BCKDHB: variants seen among roughly 807,000 people sequenced by gnomAD.
The protein encoded by BCKDHB is 2-oxoisovalerate dehydrogenase subunit beta, mitochondrial.
In BCKDHB, 41 loss-of-function variants were observed where a neutral mutation model predicts 48.5. The ratio of observed to expected loss-of-function variants is 0.85; its 90% confidence interval spans 0.66 to 1.10. The LOEUF is 1.10. BCKDHB is among the 50% of genes least tolerant of loss of function. The pLI, the probability that BCKDHB is intolerant of heterozygous loss-of-function variation, is 0.00. For missense variants in BCKDHB, 496 were observed against 494.2 expected, an observed-to-expected ratio of 1.00 and a Z score of -0.03; for synonymous variants, 201 against 174.8, an observed-to-expected ratio of 1.15 and a Z score of -1.18.
intron 8 of BCKDHB, among the ~76,000 whole-genome samples, chr6:80,237,942 G>A (rs80323260): frequency 0.034 from 5,197 of 152,274 alleles, 296 homozygotes; most frequent in African/African-American, 0.12. Flanking sequence ...AGGATGTTGT[G>A]TAGGAACTAT....
the BCKDHB span, among the ~76,000 whole-genome samples, chr6:80,433,247 T>C: frequency 1.9e-4 from 29 of 152,296 alleles, no homozygotes; most frequent in Non-Finnish European, 3.7e-4. Context: ...ATAAGTCTGC[T>C]GAATCTGTGT....
At chr6:80,118,456 A>G (rs1424297949) in intron 1 of BCKDHB, among the ~76,000 whole-genome samples, 1 of 151,964 alleles carries the variant, frequency 6.6e-6, no homozygotes, top group African/African-American at 2.4e-5. Context: ...TCTTGCCTTG[A>G]TGTTGATAGC....
chr6:80,397,172 G>A, the BCKDHB span, among the ~76,000 whole-genome samples: 1 of 152,132 alleles, frequency 6.6e-6, no homozygotes, highest in Non-Finnish European at 1.5e-5. Context: ...AATTCAGTGG[G>A]AAATATACTG....
intron 9 of BCKDHB, among the ~76,000 whole-genome samples, chr6:80,342,559 A>AG (rs1769965320): frequency 7.2e-6 from 1 of 138,186 alleles, no homozygotes; most frequent in Non-Finnish European, 1.6e-5. Context: ...CATTTCTGAA[A>AG]AAAAAAAAAA....
At chr6:80,304,149 T>C (rs1036721181) in intron 9 of BCKDHB, among the ~76,000 whole-genome samples, 7 of 152,160 alleles carry the variant, frequency 4.6e-5, no homozygotes, top group African/African-American at 1.7e-4. Flanking sequence ...GAACACAGTA[T>C]AAGAAAGTAG....
At chr6:80,263,179 T>C (rs1554203815) in intron 8 of BCKDHB, among the ~76,000 whole-genome samples, 1 of 152,160 alleles carries the variant, frequency 6.6e-6, no homozygotes, top group Non-Finnish European at 1.5e-5. Flanking sequence ...TGCTCTCCAT[T>C]GGGCGTGACA....
At chr6:80,341,515 GATGT>G (rs889248249) in intron 9 of BCKDHB, among the ~76,000 whole-genome samples, 2 of 152,190 alleles carry the variant, frequency 1.3e-5, no homozygotes, top group Non-Finnish European at 2.9e-5. Context: ...CAGACATATA[GATGT>G]ATTCCTGGAA....
the BCKDHB span, among the ~76,000 whole-genome samples, chr6:80,442,974 G>A: frequency 1.1e-4 from 16 of 152,188 alleles, no homozygotes; most frequent in Admixed American, 5.9e-4. Flanking sequence ...GCATTAGGCT[G>A]TGCCATCTGG....
chr6:80,226,820 C>T (rs1411093293), intron 8 of BCKDHB, among the ~76,000 whole-genome samples: 2 of 152,130 alleles, frequency 1.3e-5, no homozygotes, highest in Non-Finnish European at 2.9e-5. Flanking sequence ...ATTATGCTGC[C>T]TTTTGTAGGC....
At chr6:80,463,797 A>G in the BCKDHB span, among the ~76,000 whole-genome samples, 2 of 152,166 alleles carry the variant, frequency 1.3e-5, no homozygotes, top group African/African-American at 4.8e-5. Context: ...GTCACACTAC[A>G]GTATTATCTT....
chr6:80,122,985 C>T (rs1367661849), intron 1 of BCKDHB, among the ~76,000 whole-genome samples: 1 of 150,274 alleles, frequency 6.7e-6, no homozygotes, highest in East Asian at 2.0e-4. Flanking sequence ...CCGGCCCCCC[C>T]AGGAATGCAT....
chr6:80,432,937 G>T, the BCKDHB span, among the ~76,000 whole-genome samples: 1 of 152,130 alleles, frequency 6.6e-6, no homozygotes, highest in Non-Finnish European at 1.5e-5. Flanking sequence ...AGGTCTGCTG[G>T]AGTTTGCTGG....
At chr6:80,415,371 C>A in the BCKDHB span, among the ~76,000 whole-genome samples, 1 of 152,096 alleles carries the variant, frequency 6.6e-6, no homozygotes, top group East Asian at 1.9e-4. Context: ...GGAAATGCTT[C>A]CAGATTTTGC....
the BCKDHB span, among the ~76,000 whole-genome samples, chr6:80,396,143 A>C: frequency 2.6e-5 from 4 of 152,136 alleles, no homozygotes; most frequent in Non-Finnish European, 4.4e-5. Context: ...TGGGGTATTG[A>C]CTAGTGGAGC....
At chr6:80,170,055 TTC>T in intron 5 of BCKDHB, 1 of 570,386 alleles carries the variant, frequency 1.8e-6, no homozygotes, top group Non-Finnish European at 2.2e-6. Context: ...TCCTTTTTTT[TTC>T]AGCTGAAATG....
the BCKDHB span, chr6:80,374,059 A>T: frequency 1.5e-6 from 1 of 679,794 alleles, no homozygotes; most frequent in African/African-American, 1.8e-5. Flanking sequence ...TTCTTCTGGG[A>T]TATCTTTTTC....
intron 8 of BCKDHB, among the ~76,000 whole-genome samples, chr6:80,250,804 T>C (rs1776807648): frequency 6.6e-6 from 1 of 152,170 alleles, no homozygotes; most frequent in Admixed American, 6.6e-5. Flanking sequence ...AATTACTGGT[T>C]CCATGTATGT....
At chr6:80,242,473 A>G (rs1562168223) in intron 8 of BCKDHB, among the ~76,000 whole-genome samples, 3 of 152,120 alleles carry the variant, frequency 2.0e-5, no homozygotes, top group Admixed American at 6.6e-5. Context: ...GTGGGGTGGG[A>G]GCAGGGAGGA....
At position 80,327,364 on chromosome 6, in the gene BCKDHB, G is replaced by A. The variant is rs926535480; in HGVS notation, c.1039-16300G>A. The stretch of plus-strand genomic sequence containing the variant: ...CAGAATGGTTGTATGAGTAAAGTAC[G>A]GTTTCTACTGAATACATTTTGCTTT... On this transcript the variant is annotated intron_variant, in intron 9 of 9. Coordinates refer to ENST00000320393, the MANE Select transcript of BCKDHB (RefSeq NM_183050.4). Among the ~76,000 whole-genome samples, 5 of 152,066 alleles carry A rather than the reference G, an allele frequency of 3.3e-5. No individual in the cohort carries two copies. The South Asian group carries it at 6.2e-4, about 19-fold the overall frequency.
Sources: gnomAD v4.1 joint callset for allele counts (sites outside exome capture counted in the v4.1 genomes callset) on GRCh38, gnomAD v4.1.1 for gene constraint, MANE v1.5 for transcripts, NCBI Gene and HGNC (gene_info 2026-07-23, HGNC 2026-07-21) for gene names.